Variants in HSH2D observed in about 807,000 individuals in gnomAD.
The protein encoded by HSH2D is hematopoietic SH2 domain-containing protein.
A neutral mutation model predicts 21.5 loss-of-function variants in HSH2D; 16 were observed. The ratio of observed to expected loss-of-function variants is 0.74; its 90% CI spans 0.50 to 1.13. HSH2D has a LOEUF of 1.13. HSH2D is among the 50% of genes most tolerant of loss of function. HSH2D has a pLI of 0.00. For synonymous variants in HSH2D, 172 were observed against 184.7 expected (o/e 0.93, Z 0.56); for missense variants, 418 against 441.4 (o/e 0.95, Z 0.47).
At chr19:16,141,354 C>T (rs1430824935), upstream of HSH2D, among the ~76,000 whole-genome samples, 1 of 152,194 alleles carries the variant, frequency 6.6e-6, no homozygotes, top group African/African-American at 2.4e-5. Flanking sequence ...GCAATAGGCC[C>T]TTGGGGAGGC....
chr19:16,139,850 C>G (rs527803653), upstream of HSH2D: 21 of 152,334 alleles, frequency 1.4e-4, no homozygotes, highest in African/African-American at 4.8e-4. Context: ...CCTTCGTTTT[C>G]CCCTCCACAC....
intron 1 of HSH2D, among the ~76,000 whole-genome samples, chr19:16,147,808 G>A (rs771748288): frequency 6.6e-6 from 1 of 151,968 alleles, no homozygotes; most frequent in Non-Finnish European, 1.5e-5. Flanking sequence ...GCTGTGCCCA[G>A]CTCATTTTTG....
intron 4 of HSH2D, among the ~76,000 whole-genome samples, chr19:16,153,467 G>A (rs1267502500): frequency 6.6e-6 from 1 of 152,354 alleles, no homozygotes; most frequent in East Asian, 1.9e-4. Flanking sequence ...GTATAATCTT[G>A]GCTCATCTGA....
chr19:16,143,326 C>T (rs527899950), upstream of HSH2D, among the ~76,000 whole-genome samples: 52 of 152,208 alleles, frequency 3.4e-4, no homozygotes, highest in Non-Finnish European at 5.6e-4. Flanking sequence ...TCAAGTGATC[C>T]GCCTGCCTCA....
At chr19:16,154,612 T>G in intron 5 of HSH2D, 121 bp downstream of exon 5, 1 of 589,048 alleles carries the variant, frequency 1.7e-6, no homozygotes. Flanking sequence ...GCTTGGTGCT[T>G]TAAACCTTTC....
chr19:16,146,327 T>C lies in HSH2D; in HGVS notation c.-27-2397T>C, dbSNP rs529671597. Among the ~76,000 whole-genome samples, 60 of 152,250 alleles carry C rather than the reference T, an allele frequency of 3.9e-4. 1 individual carries two copies. The highest frequency in any genetic ancestry group is 7.6e-4 in the Non-Finnish European group (52 of 68,020). ...GTGTGCCATGAGTGGCTACAACGTGTAGTGACGTTGGTGGCAGAAGTGACT... is the reference window on the plus strand; with the variant it reads ...GTGTGCCATGAGTGGCTACAACGTGCAGTGACGTTGGTGGCAGAAGTGACT... On this transcript the variant is annotated intron_variant, in intron 1 of 5. Transcript: ENST00000613986.
At chr19:16,146,391 G>A (rs1057231037) in intron 1 of HSH2D, among the ~76,000 whole-genome samples, 12 of 152,234 alleles carry the variant, frequency 7.9e-5, no homozygotes, top group African/African-American at 2.9e-4. Flanking sequence ...ATGAAACCAA[G>A]GCAGCCAGGC....
At position 16,152,941 on chromosome 19, in the gene HSH2D, G is replaced by A. The variant is rs1465207297; in HGVS notation, c.216-102G>A. Reference sequence around the variant, plus strand: ...TGAAGAAGCCTGCATGGGAACCTGGGGTAGTCTGGCTGTAGCAGTGACGCT... The same window carrying A: ...TGAAGAAGCCTGCATGGGAACCTGGAGTAGTCTGGCTGTAGCAGTGACGCT... On this transcript the variant is annotated intron_variant, in intron 3 of 5. Coordinates refer to ENST00000613986, the MANE Select transcript of HSH2D (RefSeq NM_001382417.1). 4.4e-6 allele frequency: 6 copies of A among 1,366,390 alleles called. No homozygotes were observed. In the Admixed American group the frequency reaches 5.9e-5, roughly 13 times the overall value. The allele number at this position is 1,366,390 out of a possible 1,614,324, so 84.6% of individuals were successfully genotyped here.
intron 1 of HSH2D, among the ~76,000 whole-genome samples, chr19:16,135,547 C>CT (rs1163229283): frequency 6.6e-6 from 1 of 152,204 alleles, no homozygotes; most frequent in African/African-American, 2.4e-5. Flanking sequence ...ACTCCTTCCT[C>CT]TTTCTCTGGC....
At chr19:16,145,467 GCT>G (rs1436516814) in intron 1 of HSH2D, among the ~76,000 whole-genome samples, 2 of 152,098 alleles carry the variant, frequency 1.3e-5, no homozygotes, top group African/African-American at 4.8e-5. Context: ...CCTGCCTCAG[GCT>G]CTGACAGTGC....
At chr19:16,144,009 CAA>C (rs1012260312) in intron 1 of HSH2D, among the ~76,000 whole-genome samples, 4 of 151,814 alleles carry the variant, frequency 2.6e-5, no homozygotes, top group African/African-American at 9.7e-5. Context: ...TATGGAGAGG[CAA>C]GAGAGAGAGA....
chr19:16,143,782 A>G lies in HSH2D; in HGVS notation c.-28+8A>G, dbSNP rs1238473349. On this transcript the variant is annotated splice_region_variant and intron_variant, in intron 1 of 5. Coordinates refer to ENST00000613986, the MANE Select transcript of HSH2D (RefSeq NM_001382417.1). ...CATCCAAGGGTCTCCCAGGTATGTG[A>G]CCCAAGAGCCTCAGCCCTCGAGGAG... is the stretch of plus-strand genomic sequence containing the variant. 16 of 446,700 alleles carry G rather than the reference A, an allele frequency of 3.6e-5. No individual in the cohort carries two copies. Among genetic ancestry groups the G allele is most frequent in the Admixed American group, 1.4e-4 (6 of 41,740 alleles). The allele number at this position is 446,700 out of a possible 1,614,324, so 27.7% of individuals were successfully genotyped here. A position where few individuals can be genotyped will look rare whatever the true frequency, so the allele number is the denominator to read the frequency against.
chr19:16,152,386 C>A (rs2091170107), intron 2 of HSH2D, among the ~76,000 whole-genome samples, 166 bp from the exon 3 acceptor site: 1 of 150,302 alleles, frequency 6.7e-6, no homozygotes, highest in African/African-American at 2.5e-5. Context: ...CCACTGCACT[C>A]CAGCCGGGGG....
intron 5 of HSH2D, among the ~76,000 whole-genome samples, chr19:16,155,395 G>A (rs529524776): frequency 1.3e-5 from 2 of 152,122 alleles, no homozygotes; most frequent in African/African-American, 4.8e-5. Flanking sequence ...CAGGCAGCGG[G>A]AATGGCACTT....
At chr19:16,152,905 T>C (rs1268990086) in intron 3 of HSH2D, 138 bp from the exon 4 acceptor site, 1 of 1,010,212 alleles carries the variant, frequency 9.9e-7, no homozygotes, top group South Asian at 1.4e-5. Context: ...GGGTGTTGCA[T>C]GGCCAGTGAG....
rs1371035311 is a variant in HSH2D at position 16,157,641 on chromosome 19, G to A, written c.906G>A (p.Val302=). The part of the protein sequence containing the change: ...KAERSVSCIE[V]TPGDRSWHQM... ...AGAGGTCGGTCAGCTGCATTGAGGT[G>A]ACCCCAGGGGACAGGAGTTGGCACC... Residue 302 remains valine, a synonymous_variant, in exon 6 of 6, where the codon GTG becomes GTA. Transcript: ENST00000613986. The surrounding 1 kb of genome is among the most constrained non-coding windows in gnomAD (Gnocchi z 4.4). 6.2e-7 allele frequency: 1 copy of A among 1,613,618 alleles called. No homozygotes were observed. The highest frequency in any genetic ancestry group is 8.5e-7 in the Non-Finnish European group (1 of 1,179,738).
At chr19:16,151,654 G>A in intron 2 of HSH2D, 1 of 455,038 alleles carries the variant, frequency 2.2e-6, no homozygotes, top group Non-Finnish European at 4.4e-6. Context: ...ATTGGGAAGG[G>A]GCTGTGGGAG....
chr19:16,138,488 C>T (rs754157344), intron 1 of HSH2D, among the ~76,000 whole-genome samples: 2 of 152,064 alleles, frequency 1.3e-5, no homozygotes, highest in Non-Finnish European at 2.9e-5. Context: ...GATGGAGTCT[C>T]GCTCTGTTGC....
intron 2 of HSH2D, among the ~76,000 whole-genome samples, chr19:16,149,405 G>A (rs2091117294): frequency 6.6e-6 from 1 of 152,074 alleles, no homozygotes; most frequent in Non-Finnish European, 1.5e-5. Context: ...GTTTCACCAT[G>A]TTGGCCAGGC....
Sources: allele counts gnomAD v4.1 joint callset (sites outside exome capture counted in the v4.1 genomes callset), GRCh38; gene constraint gnomAD v4.1.1; non-coding constraint Gnocchi (gnomAD v3.1); transcripts MANE v1.5; gene names NCBI Gene and HGNC (gene_info 2026-07-23, HGNC 2026-07-21).